Variants in SLX9 observed in about 807,000 individuals in gnomAD.
SLX9 encodes SLX9 ribosome biogenesis factor.
SLX9 carries 19 observed loss-of-function variants against 20.8 expected under a neutral mutation model. That is an observed-to-expected ratio of 0.91 (90% CI 0.64 to 1.34). The LOEUF is 1.34. Among genes scored for constraint, SLX9 ranks in the 40% most tolerant of loss-of-function variants. The pLI is 0.00. For missense variants in SLX9, 299 were observed against 322.2 expected (o/e 0.93, Z 0.55); for synonymous variants, 113 against 137.1 (o/e 0.82, Z 1.23).
chr21:44,956,014 A>G (rs1369016512), intron 2 of SLX9, among the ~76,000 whole-genome samples: 1 of 152,256 alleles, frequency 6.6e-6, no homozygotes, highest in South Asian at 2.1e-4. Context: ...TGCGGACGCC[A>G]GCCTGCGGTG....
chr21:44,963,621 C>T (rs374235077), intron 3 of SLX9, among the ~76,000 whole-genome samples: 4 of 151,872 alleles, frequency 2.6e-5, no homozygotes, highest in African/African-American at 9.6e-5. Context: ...CTTTTTTCCC[C>T]CTAATATGGA....
intron 2 of SLX9, among the ~76,000 whole-genome samples, chr21:44,957,178 C>T (rs1173028801): frequency 6.6e-6 from 1 of 152,244 alleles, no homozygotes; most frequent in Non-Finnish European, 1.5e-5. Context: ...AGAGCCACCC[C>T]CAGAGCTCTG....
At chr21:44,970,022 C>T (rs1198868721) in intron 4 of SLX9, among the ~76,000 whole-genome samples, 1 of 152,216 alleles carries the variant, frequency 6.6e-6, no homozygotes, top group Admixed American at 6.5e-5. Flanking sequence ...GGCGAAGTGC[C>T]ACTGTCACTC....
At chr21:44,973,989 T>TTC (rs1465041030) in intron 5 of SLX9, among the ~76,000 whole-genome samples, 1 of 152,220 alleles carries the variant, frequency 6.6e-6, no homozygotes, top group African/African-American at 2.4e-5. Flanking sequence ...ATACGTTTGG[T>TTC]TCTGTGACTG....
intron 1 of SLX9, among the ~76,000 whole-genome samples, chr21:44,941,462 T>C (rs2084546874): frequency 6.6e-6 from 1 of 152,128 alleles, no homozygotes; most frequent in Non-Finnish European, 1.5e-5. Context: ...TGGTTTTTTT[T>C]TTTTCTTCCT....
At chr21:44,966,967 A>G (rs1202404177) in intron 3 of SLX9, 67 bp from the exon 4 acceptor site, 10 of 1,550,314 alleles carry the variant, frequency 6.5e-6, no homozygotes, top group Non-Finnish European at 7.8e-6. Flanking sequence ...CTCGTGGGCC[A>G]GAGGCTCTGG....
At chr21:44,961,324 A>G (rs1246821219) in intron 3 of SLX9, among the ~76,000 whole-genome samples, 1 of 152,188 alleles carries the variant, frequency 6.6e-6, no homozygotes, top group Admixed American at 6.5e-5. Context: ...CATGCCTGTA[A>G]TCCCAGCACT....
intron 2 of SLX9, among the ~76,000 whole-genome samples, chr21:44,946,203 A>G (rs138961647): frequency 6.6e-6 from 1 of 152,388 alleles, no homozygotes; most frequent in African/African-American, 2.4e-5. Flanking sequence ...AAGTTGAAAA[A>G]ATTTGAAGAT....
At chr21:44,964,086 C>T (rs932787731) in intron 3 of SLX9, among the ~76,000 whole-genome samples, 13 of 152,176 alleles carry the variant, frequency 8.5e-5, no homozygotes, top group African/African-American at 3.1e-4. Context: ...CAATGTTATT[C>T]AGTTTTAGTG....
At chr21:44,951,269 A>G (rs1437104818) in intron 2 of SLX9, among the ~76,000 whole-genome samples, 1 of 152,114 alleles carries the variant, frequency 6.6e-6, no homozygotes, top group Non-Finnish European at 1.5e-5. Flanking sequence ...TGAAGCCCAC[A>G]GCCATCCAAG....
intron 2 of SLX9, among the ~76,000 whole-genome samples, chr21:44,956,392 A>C (rs1181961335): frequency 1.3e-5 from 2 of 151,956 alleles, no homozygotes; most frequent in Non-Finnish European, 2.9e-5. Context: ...GATGATTCCC[A>C]CTTCATTTTT....
intron 2 of SLX9, among the ~76,000 whole-genome samples, chr21:44,951,504 A>G (rs1375336564): frequency 1.3e-5 from 2 of 152,140 alleles, no homozygotes; most frequent in African/African-American, 2.4e-5. Context: ...TGCCTCACTC[A>G]CTGTCATGCC....
chr21:44,947,208 A>G (rs2084659469), intron 2 of SLX9, among the ~76,000 whole-genome samples: 1 of 152,132 alleles, frequency 6.6e-6, no homozygotes, highest in South Asian at 2.1e-4. Context: ...TGCCCATGTC[A>G]TGCAGATACT....
At chr21:44,964,983 G>T (rs936895870) in intron 3 of SLX9, among the ~76,000 whole-genome samples, 1 of 152,106 alleles carries the variant, frequency 6.6e-6, no homozygotes, top group Non-Finnish European at 1.5e-5. Context: ...TCTGCCCTGC[G>T]TCCACTGAGT....
chr21:44,963,192 G>A (rs545255752), intron 3 of SLX9, among the ~76,000 whole-genome samples: 8 of 151,550 alleles, frequency 5.3e-5, no homozygotes, highest in African/African-American at 1.5e-4. Context: ...GGGTTCAAGC[G>A]ATTCTTCTGC....
chr21:44,969,494 T>C (rs986278936), intron 4 of SLX9, among the ~76,000 whole-genome samples: 17 of 152,192 alleles, frequency 1.1e-4, no homozygotes, highest in Admixed American at 1.0e-3. Flanking sequence ...CTCTCAGCCC[T>C]GAGAGCCTCC....
At chr21:44,955,712 G>C (rs1303974575) in intron 2 of SLX9, among the ~76,000 whole-genome samples, 1 of 152,194 alleles carries the variant, frequency 6.6e-6, no homozygotes, top group African/African-American at 2.4e-5. Flanking sequence ...GTGTGTGTCT[G>C]CCCCTGCTGC....
Position 44,967,044 on chromosome 21 carries a change from C to T in SLX9, c.363C>T (p.Ala121=). Residue 121 remains alanine (A), a synonymous_variant, in exon 4 of 6, where the codon GCC becomes GCT. Coordinates refer to ENST00000291634, the MANE Select transcript of SLX9 (RefSeq NM_058190.4). The part of the protein sequence containing the change: ...RREQWLQKIE[A]IKLAEQKHRE... The stretch of plus-strand genomic sequence containing the variant: ...TTTCTCCTTCCTTAGAAATCGAAGC[C>T]ATAAAACTGGCTGAGCAGAAGCACA... 1 of 1,610,782 alleles carries T rather than the reference C, an allele frequency of 6.2e-7. No homozygotes were observed. Among genetic ancestry groups the T allele is most frequent in the Non-Finnish European group, 8.5e-7 (1 of 1,179,326 alleles).
At chr21:44,976,145 G>A (rs1332600270) in intron 5 of SLX9, among the ~76,000 whole-genome samples, 1 of 152,266 alleles carries the variant, frequency 6.6e-6, no homozygotes, top group Non-Finnish European at 1.5e-5. Flanking sequence ...GCTGCGCGGG[G>A]TTTAGAGCAG....
Sources: allele counts gnomAD v4.1 joint callset (sites outside exome capture counted in the v4.1 genomes callset), GRCh38; gene constraint gnomAD v4.1.1; transcripts MANE v1.5; gene names NCBI Gene and HGNC (gene_info 2026-07-23, HGNC 2026-07-21).